EPS15: variants seen among roughly 807,000 people sequenced by gnomAD.
EPS15 encodes epidermal growth factor receptor pathway substrate 15.
EPS15 carries 72 observed loss-of-function variants against 113.8 expected under a neutral mutation model. The ratio of observed to expected loss-of-function variants is 0.63; its 90% CI spans 0.52 to 0.77. EPS15 has a LOEUF of 0.77. EPS15 is among the 30% of genes least tolerant of loss of function. The pLI, the probability that EPS15 is intolerant of heterozygous loss-of-function variation, is 0.00. For synonymous variants in EPS15, 344 were observed against 363.4 expected (o/e 0.95, Z 0.61); for missense variants, 1,048 against 1,045.8 (o/e 1.00, Z -0.03).
In EPS15 at chr1:51,481,244, C is replaced by A. The variant is rs374377337; in HGVS notation, c.75+29G>T. The A allele has an allele frequency of 7.6e-6, 9 of 1,178,918 alleles. No homozygotes were observed. The African/African-American group carries it at 9.0e-5, about 12-fold the overall frequency. 73.0% of individuals were successfully genotyped at this position (1,178,918 alleles called of 1,614,324 possible). A position where few individuals can be genotyped will look rare whatever the true frequency, so the allele number is the denominator to read the frequency against. On this transcript the variant is annotated intron_variant, in intron 2 of 24. Coordinates refer to ENST00000371733, the MANE Select transcript of EPS15 (RefSeq NM_001981.3). ...GTTGACAGTACATTTAATGTTCAAT[C>A]CAGGCAAACAATGAAACAAAAATCT...
chr1:51,517,109 A>C (rs2148574233), intron 1 of EPS15, among the ~76,000 whole-genome samples: 1 of 152,378 alleles, frequency 6.6e-6, no homozygotes, highest in Admixed American at 6.5e-5. Flanking sequence ...CAAAGTTTTG[A>C]AGTAACAAGG....
chr1:51,371,322 G>T (rs534234133), intron 21 of EPS15, among the ~76,000 whole-genome samples: 2 of 152,248 alleles, frequency 1.3e-5, no homozygotes, highest in African/African-American at 2.4e-5. Flanking sequence ...CATTGTTATC[G>T]TAAGAGATGA....
At chr1:51,451,407 A>C (rs2151711) in intron 8 of EPS15, among the ~76,000 whole-genome samples, 45,033 of 147,066 alleles carry the variant, frequency 0.31, 9,511 homozygotes, top group African/African-American at 0.59. Context: ...AGGAGAATTG[A>C]TTGACCTTGG....
rs886418307 is a variant in EPS15 at position 51,356,635 on chromosome 1, T to C, written c.*65A>G. ...TGCTCACAGGTAGTTTTGATACACA[T>C]TGTAAATAGTTTCAGTATTCAGGAA... is the stretch of plus-strand genomic sequence containing the variant. On this transcript the variant is annotated 3_prime_UTR_variant, in exon 25 of 25. Transcript: ENST00000371733. The C allele has an allele frequency of 2.1e-5, 30 of 1,414,534 alleles. No homozygotes were observed. The highest frequency in any genetic ancestry group is 2.7e-5 in the Non-Finnish European group (28 of 1,025,794). The allele number at this position is 1,414,534 out of a possible 1,614,324, so 87.6% of individuals were successfully genotyped here. A position where few individuals can be genotyped will look rare whatever the true frequency, so the allele number is the denominator to read the frequency against.
intron 12 of EPS15, among the ~76,000 whole-genome samples, chr1:51,437,065 C>T (rs1164117412): frequency 1.3e-5 from 2 of 152,034 alleles, no homozygotes; most frequent in African/African-American, 4.8e-5. Context: ...TAATTAATAG[C>T]AAATGTTGAA....
chr1:51,427,936 C>T (rs1411275936), intron 12 of EPS15, among the ~76,000 whole-genome samples: 1 of 152,112 alleles, frequency 6.6e-6, no homozygotes, highest in East Asian at 1.9e-4. Flanking sequence ...CACTGAGACA[C>T]ATTATAATCA....
intron 10 of EPS15, 120 bp from the exon 11 acceptor site, chr1:51,445,165 C>A: frequency 1.2e-6 from 1 of 865,036 alleles, no homozygotes; most frequent in Non-Finnish European, 1.8e-6. Flanking sequence ...ACAGTCACAC[C>A]AACTTGCAGG....
chr1:51,429,588 A>G (rs965490268), intron 12 of EPS15, among the ~76,000 whole-genome samples: 14 of 151,980 alleles, frequency 9.2e-5, no homozygotes, highest in African/African-American at 3.4e-4. Flanking sequence ...AAATCAGAAA[A>G]AGATTATAAA....
In EPS15 at chr1:51,399,088, A is replaced by G. The variant is rs1226702533; in HGVS notation, c.1996T>C (p.Phe666Leu). 1 of 1,614,068 alleles carries G rather than the reference A, an allele frequency of 6.2e-7. No homozygotes were observed. The highest frequency in any genetic ancestry group is 2.2e-5 in the East Asian group (1 of 44,882). The change falls in exon 20 of 25, where the codon TTT becomes CTT. Residue 666 changes from phenylalanine to leucine, a missense_variant. By Grantham distance (22) the Phe-to-Leu change is conservative. Coordinates refer to ENST00000371733, the MANE Select transcript of EPS15 (RefSeq NM_001981.3). ...DCFFRQSTDP[F>L]ATSSTDPFSA... ...AAAGGGTCAGTGCTTGAAGTGGCAA[A>G]AGGATCAGTAGATTGCCTGAAGAAA...
At chr1:51,403,155 C>T (rs1301520342) in intron 17 of EPS15, among the ~76,000 whole-genome samples, 1 of 152,182 alleles carries the variant, frequency 6.6e-6, no homozygotes, top group African/African-American at 2.4e-5. Flanking sequence ...CCACCTACTT[C>T]ACCTCCTGAG....
intron 1 of EPS15, among the ~76,000 whole-genome samples, chr1:51,508,268 GAGAGAA>G (rs1388407771): frequency 8.7e-5 from 10 of 114,732 alleles, no homozygotes; most frequent in East Asian, 8.4e-4. Flanking sequence ...GAGAGAGAGA[GAGAGAA>G]AGAGAGAAAG....
At chr1:51,507,335 G>A (rs1006097335) in intron 1 of EPS15, among the ~76,000 whole-genome samples, 4 of 152,106 alleles carry the variant, frequency 2.6e-5, no homozygotes, top group African/African-American at 9.7e-5. Context: ...ACATTAAAAA[G>A]ATGCTAAGCA....
intron 12 of EPS15, chr1:51,423,350 T>C (rs1370278523): frequency 6.2e-6 from 7 of 1,134,172 alleles, no homozygotes; most frequent in South Asian, 1.8e-5. Context: ...CCAACCCTTA[T>C]ATAAATTAAG....
intron 21 of EPS15, among the ~76,000 whole-genome samples, chr1:51,394,027 T>G (rs913257139): frequency 3.9e-5 from 6 of 152,226 alleles, no homozygotes; most frequent in Non-Finnish European, 7.3e-5. Context: ...AATTTTCATT[T>G]TCTACTGGAA....
rs547537412 is a variant in EPS15, at chr1:51,518,008, A to G, written c.33+1191T>C. On this transcript the variant is annotated intron_variant, in intron 1 of 24. Transcript: ENST00000371733. ...AAGCCTTAGAAGCACCGACGAATCT[A>G]GGCCAAGGAGTACAAGATGGCAGTG... Among the ~76,000 whole-genome samples the G allele has an allele frequency of 7.2e-5, 11 of 152,288 alleles. No individual in the cohort carries two copies. In the East Asian group the frequency reaches 1.9e-3, roughly 27 times the overall value.
chr1:51,375,525 T>C (rs775731928), intron 21 of EPS15, among the ~76,000 whole-genome samples: 7 of 152,204 alleles, frequency 4.6e-5, no homozygotes, highest in African/African-American at 7.2e-5. Flanking sequence ...GTAAATGTCT[T>C]GTGTTTGTGA....
At chr1:51,516,997 C>T (rs879111079) in intron 1 of EPS15, among the ~76,000 whole-genome samples, 2 of 151,952 alleles carry the variant, frequency 1.3e-5, no homozygotes, top group Admixed American at 1.3e-4. Context: ...GGATGACAAA[C>T]GGGTCAGTAA....
At chr1:51,489,950 A>C (rs2148535241) in intron 1 of EPS15, among the ~76,000 whole-genome samples, 1 of 152,320 alleles carries the variant, frequency 6.6e-6, no homozygotes, top group Admixed American at 6.5e-5. Context: ...AACGTGAAAA[A>C]CAAATAAACC....
Position 51,468,573 on chromosome 1 carries a change from G to C in EPS15, c.214-5C>G. ...ACGCAAAGCAACAAAGAATTCCTAA[G>C]AAAGAAAAGTATGAATGTTAAGAGC... On this transcript the variant is annotated splice_polypyrimidine_tract_variant and splice_region_variant and intron_variant, in intron 4 of 24. Coordinates refer to ENST00000371733, the MANE Select transcript of EPS15 (RefSeq NM_001981.3). 1 of 1,601,386 alleles carries C rather than the reference G, an allele frequency of 6.2e-7. No individual in the cohort carries two copies. Among genetic ancestry groups the C allele is most frequent in the South Asian group, 1.1e-5 (1 of 90,176 alleles).
Sources: gnomAD v4.1 joint callset for allele counts (sites outside exome capture counted in the v4.1 genomes callset) on GRCh38, gnomAD v4.1.1 for gene constraint, MANE v1.5 for transcripts, NCBI Gene and HGNC (gene_info 2026-07-23, HGNC 2026-07-21) for gene names.